RYR2: variants seen among roughly 807,000 people sequenced by gnomAD.
The protein encoded by RYR2 is ryanodine receptor 2, also known as cardiac muscle ryanodine receptor-calcium release channel.
In RYR2, 227 loss-of-function variants were observed where a neutral mutation model predicts 601.1. That is an observed-to-expected ratio of 0.38 (90% confidence interval 0.34 to 0.42). The LOEUF (loss-of-function observed/expected upper bound fraction) is 0.42. Ranked by LOEUF, RYR2 falls within the 10% of genes least tolerant of loss-of-function variation. The pLI is 1.00. For synonymous variants in RYR2, 2,223 were observed against 2,175.1 expected (o/e 1.02, Z -0.61); for missense variants, 4,646 against 6,156.5 (o/e 0.75, Z 8.21).
chr1:237,739,894 C>T (rs937997733), intron 79 of RYR2, among the ~76,000 whole-genome samples: 4 of 152,142 alleles, frequency 2.6e-5, no homozygotes, highest in Non-Finnish European at 4.4e-5. Context: ...GTTATGTATT[C>T]GTGCTGCCAG....
At chr1:237,546,589 CA>C (rs1282454091) in intron 25 of RYR2, among the ~76,000 whole-genome samples, 3 of 152,062 alleles carry the variant, frequency 2.0e-5, no homozygotes, top group African/African-American at 7.2e-5. Flanking sequence ...CCATATCAGC[CA>C]GGCTTGTCTT....
At chr1:237,424,829 T>C (rs1705981067) in intron 12 of RYR2, among the ~76,000 whole-genome samples, 1 of 152,202 alleles carries the variant, frequency 6.6e-6, no homozygotes, top group African/African-American at 2.4e-5. Context: ...CATAAATATT[T>C]ATTGAACTTT....
At chr1:237,078,751 G>C (rs1470878425) in intron 1 of RYR2, among the ~76,000 whole-genome samples, 2 of 137,534 alleles carry the variant, frequency 1.5e-5, no homozygotes, top group African/African-American at 5.5e-5. Context: ...AATAGAAAAA[G>C]AGGGAATCCT....
chr1:237,550,378 C>T lies in RYR2; in HGVS notation c.3067-166C>T, dbSNP rs75117670. 4.3e-3 allele frequency among the ~76,000 whole-genome samples: 649 copies of T among 152,182 alleles called. 16 individuals are homozygous for T. The East Asian group carries it at 0.08, about 19-fold the overall frequency. ...ATGCGCTTATTCATTTGATTGAATC[C>T]TGTATATTGATAGTGTTTTGGTAAC... On this transcript the variant is annotated intron_variant, in intron 26 of 104. Transcript: ENST00000366574.
At chr1:237,628,622 A>T (rs1679933980) in intron 41 of RYR2, among the ~76,000 whole-genome samples, 2 of 152,172 alleles carry the variant, frequency 1.3e-5, no homozygotes, top group South Asian at 4.1e-4. Context: ...AACAAAAGCT[A>T]AGTTAGAAAG....
At chr1:237,155,235 G>A (rs1308728208) in intron 1 of RYR2, among the ~76,000 whole-genome samples, 2 of 143,248 alleles carry the variant, frequency 1.4e-5, no homozygotes, top group African/African-American at 5.1e-5. Context: ...GAGTGCAGTG[G>A]TGCGGTCTCA....
At chr1:237,826,805 G>A (rs776535557) in intron 101 of RYR2, among the ~76,000 whole-genome samples, 7 of 152,082 alleles carry the variant, frequency 4.6e-5, no homozygotes, top group Non-Finnish European at 8.8e-5. Flanking sequence ...TATGAGAATG[G>A]TGCTCTTATT....
At chr1:237,408,934 A>ATC (rs773725776) in intron 10 of RYR2, among the ~76,000 whole-genome samples, 37,251 of 151,984 alleles carry the variant, frequency 0.25, 4,773 homozygotes, top group African/African-American at 0.34. Context: ...ATTTTTTGGT[A>ATC]TTAAGATAAA....
At chr1:237,141,347 A>G (rs1035292876) in intron 1 of RYR2, among the ~76,000 whole-genome samples, 5 of 152,132 alleles carry the variant, frequency 3.3e-5, no homozygotes, top group Non-Finnish European at 7.4e-5. Flanking sequence ...GTTTGGTGAG[A>G]ATTTTTATCG....
chr1:237,046,611 G>C (rs1324456781), intron 1 of RYR2, among the ~76,000 whole-genome samples: 1 of 152,164 alleles, frequency 6.6e-6, no homozygotes, highest in Non-Finnish European at 1.5e-5. Flanking sequence ...GTACACATTG[G>C]CAGGAAGGGC....
intron 17 of RYR2, among the ~76,000 whole-genome samples, chr1:237,476,509 C>CAAA (rs56116691): frequency 1.6e-3 from 113 of 70,206 alleles, no homozygotes; most frequent in Non-Finnish European, 2.3e-3. Flanking sequence ...GACTCTGTCT[C>CAAA]AAAAAAAAAA....
intron 1 of RYR2, among the ~76,000 whole-genome samples, chr1:237,137,581 G>A (rs182831732): frequency 2.5e-4 from 38 of 152,300 alleles, no homozygotes; most frequent in Non-Finnish European, 4.1e-4. Flanking sequence ...TCTCGAAGGG[G>A]AGTCCCCTAG....
intron 8 of RYR2, among the ~76,000 whole-genome samples, chr1:237,379,245 G>C (rs1290252690): frequency 6.6e-6 from 1 of 152,048 alleles, no homozygotes; most frequent in African/African-American, 2.4e-5. Context: ...TTTACAATTT[G>C]TACTTCCGCT....
chr1:237,657,411 A>G (rs1264538015), intron 53 of RYR2, among the ~76,000 whole-genome samples: 1 of 152,008 alleles, frequency 6.6e-6, no homozygotes, highest in African/African-American at 2.4e-5. Flanking sequence ...AGACTTGGTC[A>G]TCATTTGCAT....
At chr1:237,688,414 A>T (rs1384381547) in intron 63 of RYR2, among the ~76,000 whole-genome samples, 1 of 149,852 alleles carries the variant, frequency 6.7e-6, no homozygotes, top group Non-Finnish European at 1.5e-5. Context: ...ATATATATAC[A>T]TATATATATA....
chr1:237,213,595 T>A (rs1362865898), intron 1 of RYR2, among the ~76,000 whole-genome samples: 1 of 152,206 alleles, frequency 6.6e-6, no homozygotes, highest in Non-Finnish European at 1.5e-5. Context: ...TGGGAGCGCC[T>A]CTTCTCAATA....
intron 29 of RYR2, among the ~76,000 whole-genome samples, chr1:237,580,597 G>A (rs1673803716): frequency 1.3e-5 from 2 of 152,284 alleles, no homozygotes; most frequent in Admixed American, 1.3e-4. Context: ...TGGCTTTGGT[G>A]GACATGTGTC....
intron 1 of RYR2, among the ~76,000 whole-genome samples, chr1:237,152,279 T>C (rs1423184958): frequency 6.6e-6 from 1 of 152,208 alleles, no homozygotes; most frequent in African/African-American, 2.4e-5. Flanking sequence ...GTTGGTTCCA[T>C]GTCTTCGCTA....
chr1:237,256,087 A>G (rs527540887), intron 1 of RYR2, among the ~76,000 whole-genome samples: 11 of 151,840 alleles, frequency 7.2e-5, no homozygotes, highest in Non-Finnish European at 1.6e-4. Flanking sequence ...TGTGGGAGGG[A>G]CTCAGTGGGA....
Sources: gnomAD v4.1 joint callset for allele counts (sites outside exome capture counted in the v4.1 genomes callset) on GRCh38, gnomAD v4.1.1 for gene constraint, MANE v1.5 for transcripts, NCBI Gene and HGNC (gene_info 2026-07-23, HGNC 2026-07-21) for gene names.